The following PRKCA variants were observed in gnomAD, a reference collection of about 807,000 sequenced individuals.
The protein encoded by PRKCA is protein kinase C alpha type.
In PRKCA, 27 loss-of-function variants were observed where a neutral mutation model predicts 87.0. The observed-to-expected ratio is 0.31, with a 90% CI of 0.23 to 0.43. The LOEUF (loss-of-function observed/expected upper bound fraction) is 0.43. PRKCA is among the 20% of genes least tolerant of loss of function. The pLI is 1.00. For synonymous variants in PRKCA, 329 were observed against 311.1 expected, an observed-to-expected ratio of 1.06 and a Z score of -0.61; for missense variants, 518 against 852.3, an observed-to-expected ratio of 0.61 and a Z score of 4.88.
At chr17:66,438,452 TAA>T (rs2143861015) in intron 2 of PRKCA, among the ~76,000 whole-genome samples, 2 of 152,274 alleles carry the variant, frequency 1.3e-5, no homozygotes, top group African/African-American at 4.8e-5. Context: ...TTCCTGGCCA[TAA>T]AAAGCTCGAA....
intron 2 of PRKCA, among the ~76,000 whole-genome samples, chr17:66,458,148 G>A (rs1032906471): frequency 6.6e-6 from 1 of 152,164 alleles, no homozygotes; most frequent in Non-Finnish European, 1.5e-5. Context: ...GTGGATGAGG[G>A]TATACTGATT....
intron 3 of PRKCA, among the ~76,000 whole-genome samples, chr17:66,576,815 C>T (rs1289367221): frequency 2.0e-5 from 3 of 151,294 alleles, no homozygotes; most frequent in East Asian, 1.9e-4. Flanking sequence ...TTTATGTGTT[C>T]GCTGTCTCTC....
intron 9 of PRKCA, among the ~76,000 whole-genome samples, chr17:66,733,228 G>T (rs1251073762): frequency 6.6e-6 from 1 of 152,054 alleles, no homozygotes; most frequent in African/African-American, 2.4e-5. Context: ...ATGGTAGAAA[G>T]GAGAGGTTTA....
chr17:66,459,622 T>C (rs1362750582), intron 2 of PRKCA, among the ~76,000 whole-genome samples: 1 of 152,198 alleles, frequency 6.6e-6, no homozygotes, highest in Non-Finnish European at 1.5e-5. Context: ...CTAAGTTCTA[T>C]GTCCAGTTCT....
intron 3 of PRKCA, among the ~76,000 whole-genome samples, chr17:66,522,872 A>G (rs1967214687): frequency 2.0e-5 from 3 of 151,408 alleles, no homozygotes; most frequent in African/African-American, 4.9e-5. Context: ...AATGAAACCT[A>G]CTATGAATCC....
intron 2 of PRKCA, among the ~76,000 whole-genome samples, chr17:66,431,992 T>G (rs372408390): frequency 2.0e-5 from 3 of 152,158 alleles, no homozygotes; most frequent in African/African-American, 7.2e-5. Context: ...GACCGTTCCC[T>G]TTTTTTATCC....
At chr17:66,579,075 C>T (rs769009660) in intron 3 of PRKCA, among the ~76,000 whole-genome samples, 1 of 152,212 alleles carries the variant, frequency 6.6e-6, no homozygotes, top group Non-Finnish European at 1.5e-5. Flanking sequence ...GGAGCATGTG[C>T]ACATGTGCGT....
intron 5 of PRKCA, among the ~76,000 whole-genome samples, chr17:66,685,018 G>T (rs1337278989): frequency 2.6e-5 from 4 of 152,106 alleles, no homozygotes. Context: ...TTCTGCATTG[G>T]ATTAAAACCT....
intron 8 of PRKCA, among the ~76,000 whole-genome samples, chr17:66,717,852 A>G (rs935006524): frequency 2.0e-5 from 3 of 152,202 alleles, no homozygotes; most frequent in Non-Finnish European, 2.9e-5. Context: ...TGCCAGCAGG[A>G]GAAAGAATGA....
At chr17:66,555,310 C>T (rs953622370) in intron 3 of PRKCA, among the ~76,000 whole-genome samples, 2 of 152,184 alleles carry the variant, frequency 1.3e-5, no homozygotes, top group African/African-American at 2.4e-5. Flanking sequence ...TGGAGTGCCA[C>T]GCAACCAGAC....
At chr17:66,325,795 G>A (rs570695707) in intron 2 of PRKCA, among the ~76,000 whole-genome samples, 9 of 152,310 alleles carry the variant, frequency 5.9e-5, no homozygotes, top group African/African-American at 2.2e-4. Flanking sequence ...TTATAGGACT[G>A]CAAGCTTTTG....
intron 2 of PRKCA, among the ~76,000 whole-genome samples, chr17:66,327,186 G>A (rs1209904846): frequency 1.3e-5 from 2 of 151,944 alleles, no homozygotes; most frequent in African/African-American, 2.4e-5. Flanking sequence ...CTAACATGGT[G>A]AAACCCCGTC....
intron 16 of PRKCA, among the ~76,000 whole-genome samples, chr17:66,799,310 G>GTGA (rs1975808978): frequency 5.1e-5 from 1 of 19,506 alleles, no homozygotes. Context: ...GGTGATGGTG[G>GTGA]TGGTGGTGAT....
chr17:66,595,790 A>G (rs994539774), intron 3 of PRKCA, among the ~76,000 whole-genome samples: 2 of 152,192 alleles, frequency 1.3e-5, no homozygotes, highest in African/African-American at 2.4e-5. Flanking sequence ...ATTCACAGAT[A>G]CCAGGGATTA....
At chr17:66,525,912 ATATTT>A (rs1304726374) in intron 3 of PRKCA, among the ~76,000 whole-genome samples, 1 of 152,184 alleles carries the variant, frequency 6.6e-6, no homozygotes, top group African/African-American at 2.4e-5. Flanking sequence ...TTTATAAACA[ATATTT>A]TATTTAATGC....
intron 8 of PRKCA, among the ~76,000 whole-genome samples, chr17:66,700,756 G>A (rs780617783): frequency 1.3e-5 from 2 of 152,148 alleles, no homozygotes; most frequent in Non-Finnish European, 2.9e-5. Flanking sequence ...TGAAATATCT[G>A]TACACTGAAA....
chr17:66,316,315 T>C, intron 2 of PRKCA, among the ~76,000 whole-genome samples: 1 of 152,174 alleles, frequency 6.6e-6, no homozygotes, highest in Non-Finnish European at 1.5e-5. Flanking sequence ...CTTTTTGTTT[T>C]CATGTCATCA....
chr17:66,586,126 T>A (rs1969589091), intron 3 of PRKCA, among the ~76,000 whole-genome samples: 1 of 152,162 alleles, frequency 6.6e-6, no homozygotes, highest in African/African-American at 2.4e-5. Flanking sequence ...GTGGTTGTCA[T>A]TGTCGTTGCT....
rs189635016 is a variant in PRKCA, at chr17:66,681,639, A to G, written c.530-5472A>G. Among the ~76,000 whole-genome samples the G allele has an allele frequency of 1.2e-3, 190 of 152,316 alleles. 4 individuals carry two copies. Among genetic ancestry groups the G allele is most frequent in the Admixed American group, 0.012 (189 of 15,296 alleles). The stretch of plus-strand genomic sequence containing the variant: ...CACTGTTATTTTCCCTGTTTTACAG[A>G]TGAATAAACTGCGAAGTTGGGTAAT... On this transcript the variant is annotated intron_variant, in intron 5 of 16. Coordinates refer to ENST00000413366, the MANE Select transcript of PRKCA (RefSeq NM_002737.3).
Sources: gnomAD v4.1 joint callset for allele counts (sites outside exome capture counted in the v4.1 genomes callset) on GRCh38, gnomAD v4.1.1 for gene constraint, MANE v1.5 for transcripts, NCBI Gene and HGNC (gene_info 2026-07-23, HGNC 2026-07-21) for gene names.